SLC1A2: variants seen among roughly 807,000 people sequenced by gnomAD.
SLC1A2 encodes excitatory amino acid transporter 2.
A neutral mutation model predicts 48.8 loss-of-function variants in SLC1A2; 15 were observed. The ratio of observed to expected loss-of-function variants is 0.31; its 90% CI spans 0.21 to 0.47. The LOEUF is 0.47. Ranked by LOEUF, SLC1A2 falls within the 20% of genes least tolerant of loss-of-function variation. The probability of loss-of-function intolerance (pLI) is 0.99; values close to 1 mark genes in which losing one functional copy is unlikely to be tolerated. For missense variants in SLC1A2, 502 were observed against 730.5 expected (o/e 0.69, Z 3.61); for synonymous variants, 279 against 272.6 (o/e 1.02, Z -0.23).
intron 1 of SLC1A2, among the ~76,000 whole-genome samples, chr11:35,383,782 G>A (rs930773713): frequency 6.6e-6 from 1 of 152,182 alleles, no homozygotes; most frequent in African/African-American, 2.4e-5. Flanking sequence ...CTCTCCAAGT[G>A]TCTGGCTTAC....
intron 1 of SLC1A2, among the ~76,000 whole-genome samples, chr11:35,371,624 C>T (rs763317147): frequency 1.3e-5 from 2 of 152,162 alleles, no homozygotes; most frequent in Admixed American, 6.5e-5. Context: ...ACATCTGCAA[C>T]GATACTTGAG....
chr11:35,366,249 G>A (rs1203310208), intron 1 of SLC1A2, among the ~76,000 whole-genome samples: 1 of 152,204 alleles, frequency 6.6e-6, no homozygotes, highest in Non-Finnish European at 1.5e-5. Context: ...ATAAAGAAAT[G>A]TGAGCATGTC....
chr11:35,351,588 C>T (rs1253007177), intron 1 of SLC1A2, among the ~76,000 whole-genome samples: 2 of 152,174 alleles, frequency 1.3e-5, no homozygotes, highest in Non-Finnish European at 2.9e-5. Flanking sequence ...AAAGGTAAGA[C>T]AGAAAACTGC....
At chr11:35,349,547 A>G (rs966605516) in intron 1 of SLC1A2, among the ~76,000 whole-genome samples, 5 of 152,154 alleles carry the variant, frequency 3.3e-5, no homozygotes, top group African/African-American at 1.2e-4. Flanking sequence ...GAAAATAAAG[A>G]GAGAGAAGAG....
At chr11:35,302,205 G>GA (rs1272776854) in intron 5 of SLC1A2, among the ~76,000 whole-genome samples, 2 of 151,892 alleles carry the variant, frequency 1.3e-5, no homozygotes, top group African/African-American at 4.8e-5. Flanking sequence ...ATGACAGGGA[G>GA]AAAAAAATAC....
At chr11:35,383,297 T>C (rs1471275653) in intron 1 of SLC1A2, among the ~76,000 whole-genome samples, 1 of 152,234 alleles carries the variant, frequency 6.6e-6, no homozygotes, top group Non-Finnish European at 1.5e-5. Flanking sequence ...AATTTTGTTA[T>C]GTTGTGTTGC....
At chr11:35,378,325 A>G (rs1410841821) in intron 1 of SLC1A2, among the ~76,000 whole-genome samples, 1 of 152,276 alleles carries the variant, frequency 6.6e-6, no homozygotes, top group Non-Finnish European at 1.5e-5. Flanking sequence ...TACCCAAGAC[A>G]CCAGGGCCCT....
intron 1 of SLC1A2, among the ~76,000 whole-genome samples, chr11:35,406,852 A>G (rs1855311149): frequency 6.6e-6 from 1 of 152,198 alleles, no homozygotes; most frequent in African/African-American, 2.4e-5. Context: ...TCTAGAACCT[A>G]GAAAAAAGGC....
chr11:35,300,218 C>A (rs1851307227), intron 6 of SLC1A2, among the ~76,000 whole-genome samples: 1 of 152,168 alleles, frequency 6.6e-6, no homozygotes, highest in Non-Finnish European at 1.5e-5. Flanking sequence ...GGTTTTGATA[C>A]CAATATGAAC....
chr11:35,412,050 A>AC (rs1855479362), intron 1 of SLC1A2, among the ~76,000 whole-genome samples: 1 of 151,728 alleles, frequency 6.6e-6, no homozygotes. Context: ...AGCAAAAAAA[A>AC]AAAACAAAAC....
chr11:35,323,747 T>G (rs961233434), intron 1 of SLC1A2, among the ~76,000 whole-genome samples: 6 of 152,178 alleles, frequency 3.9e-5, no homozygotes, highest in Admixed American at 3.9e-4. Context: ...ACAGCAACAA[T>G]AACAACAACC....
intron 1 of SLC1A2, among the ~76,000 whole-genome samples, chr11:35,415,583 C>T (rs1855580753): frequency 6.6e-6 from 1 of 152,228 alleles, no homozygotes. Flanking sequence ...CTGCTGACCT[C>T]AAATTCATTC....
intron 7 of SLC1A2, among the ~76,000 whole-genome samples, chr11:35,289,330 T>C (rs943287182): frequency 2.0e-5 from 3 of 152,022 alleles, no homozygotes; most frequent in Non-Finnish European, 4.4e-5. Flanking sequence ...GTGACCATGA[T>C]GGCAAAGAAA....
intron 4 of SLC1A2, among the ~76,000 whole-genome samples, chr11:35,308,571 T>C (rs1429866606): frequency 6.6e-6 from 1 of 152,156 alleles, no homozygotes; most frequent in Non-Finnish European, 1.5e-5. Flanking sequence ...GCTGCATCAT[T>C]ATATGGAGGA....
intron 1 of SLC1A2, among the ~76,000 whole-genome samples, chr11:35,344,171 C>G (rs1852945342): frequency 6.6e-6 from 1 of 152,078 alleles, no homozygotes; most frequent in Admixed American, 6.5e-5. Flanking sequence ...GTTCTATATG[C>G]TACAGATACA....
At chr11:35,389,999 T>G (rs1565297060) in intron 1 of SLC1A2, among the ~76,000 whole-genome samples, 1 of 152,218 alleles carries the variant, frequency 6.6e-6, no homozygotes, top group Non-Finnish European at 1.5e-5. Flanking sequence ...AGAATAGAGA[T>G]AATAAAGTTT....
At chr11:35,314,736 A>T (rs906354943) in intron 3 of SLC1A2, among the ~76,000 whole-genome samples, 1 of 149,860 alleles carries the variant, frequency 6.7e-6, no homozygotes, top group African/African-American at 2.5e-5. Context: ...ATTTAAAACC[A>T]CTAGAGGTAT....
chr11:35,411,365 G>A (rs1855454866), intron 1 of SLC1A2, among the ~76,000 whole-genome samples: 1 of 152,216 alleles, frequency 6.6e-6, no homozygotes, highest in Non-Finnish European at 1.5e-5. Context: ...TCTTGAACAA[G>A]TTTGTTTAAT....
intron 1 of SLC1A2, among the ~76,000 whole-genome samples, chr11:35,321,241 C>T (rs1456618431): frequency 1.3e-5 from 2 of 152,128 alleles, no homozygotes; most frequent in African/African-American, 4.8e-5. Flanking sequence ...TTCCACAACA[C>T]ATGGGGATTA....
Sources: allele counts gnomAD v4.1 joint callset (sites outside exome capture counted in the v4.1 genomes callset), GRCh38; gene constraint gnomAD v4.1.1; transcripts MANE v1.5; gene names NCBI Gene and HGNC (gene_info 2026-07-23, HGNC 2026-07-21).